The following ART4 variants were observed in gnomAD, a reference collection of about 807,000 sequenced individuals.
ART4 encodes ADP-ribosyltransferase 4 (inactive) (Dombrock blood group).
Under a neutral mutation model 24.2 loss-of-function variants are expected in ART4, and 14 were observed. The ratio of observed to expected loss-of-function variants is 0.58; its 90% confidence interval spans 0.38 to 0.90. The LOEUF (loss-of-function observed/expected upper bound fraction) is 0.90, where lower values mean the gene tolerates loss of function less well. ART4 is among the 40% of genes least tolerant of loss of function. The pLI, the probability that ART4 is intolerant of heterozygous loss-of-function variation, is 0.00. For missense variants in ART4, 356 were observed against 366.6 expected (o/e 0.97, Z 0.24); for synonymous variants, 145 against 139.9 (o/e 1.04, Z -0.26).
intron 2 of ART4, among the ~76,000 whole-genome samples, chr12:14,831,738 C>T (rs1318122150): frequency 6.6e-6 from 1 of 151,962 alleles, no homozygotes; most frequent in African/African-American, 2.4e-5. Context: ...CTGGGTCACT[C>T]GGAATTCTAC....
Position 14,827,129 on chromosome 12 carries a change from T to G in ART4, c.*2242A>C, listed in dbSNP as rs2137294974. On this transcript the variant is annotated 3_prime_UTR_variant, in exon 3 of 3. Transcript: ENST00000228936. ...TTTCTCCTAAGAGATTGTAAACTCA[T>G]GAGAGATCTGGCCTAGTGTTCTTAA... is the stretch of plus-strand genomic sequence containing the variant. The G allele has an allele frequency of 6.6e-6, 1 of 152,256 alleles. No homozygotes were observed. Among genetic ancestry groups the G allele is most frequent in the Middle Eastern group, 3.4e-3 (1 of 294 alleles). The allele number at this position is 152,256 out of a possible 1,614,324, so 9.4% of individuals were successfully genotyped here. A position where few individuals can be genotyped will look rare whatever the true frequency, so the allele number is the denominator to read the frequency against.
intron 2 of ART4, among the ~76,000 whole-genome samples, chr12:14,830,119 A>AGTGTGTGT (rs113436435): frequency 0.069 from 10,044 of 145,618 alleles, 381 homozygotes; most frequent in African/African-American, 0.083. Context: ...TCCTGTTTGG[A>AGTGTGTGT]GTGTGTGTGT....
chr12:14,840,551 G>A lies in ART4; in HGVS notation c.747C>T (p.Pro249=), dbSNP rs758864889. ...TATTTATAACTTTAAACAGCTCATA[G>A]GGAGGGATCAAGACTTCCTTCTTGA... ...FSLKKEVLIP[P]YELFKVINMS... is the part of the protein sequence containing the mutation. The change falls in exon 2 of 3, where the codon CCC becomes CCT. Residue 249 remains proline (P), a synonymous_variant. Transcript: ENST00000228936. 6 of 1,614,032 alleles carry A rather than the reference G, an allele frequency of 3.7e-6. No homozygotes were observed. The African/African-American group carries it at 8.0e-5, about 22-fold the overall frequency.
At position 14,840,706 on chromosome 12, in the gene ART4, T is replaced by C; in HGVS notation, c.592A>G (p.Thr198Ala). The C allele has an allele frequency of 6.2e-7, 1 of 1,614,188 alleles. No individual in the cohort carries two copies. The highest frequency in any genetic ancestry group is 8.5e-7 in the Non-Finnish European group (1 of 1,180,022). Residue 198 changes from threonine (T) to alanine (A), a missense_variant, in exon 2 of 3, where the codon ACA becomes GCA. By Grantham distance (58) the Thr-to-Ala change is moderately conservative. Coordinates refer to ENST00000228936, the MANE Select transcript of ART4 (RefSeq NM_021071.4). ...TGGCCAAATCGAATGGTGGCCCCTGTGTAGGCATTAAAGTGGACATCCTTC... is the reference window on the plus strand; with the variant it reads ...TGGCCAAATCGAATGGTGGCCCCTGCGTAGGCATTAAAGTGGACATCCTTC... ...RTKDVHFNAYTGATIRFGQFL... is the reference protein window; with the variant it reads ...RTKDVHFNAYAGATIRFGQFL...
chr12:14,829,440 A>G lies in ART4; in HGVS notation c.876T>C (p.Pro292=), dbSNP rs537106728. 6.2e-7 allele frequency: 1 copy of G among 1,608,466 alleles called. No individual in the cohort carries two copies. Among genetic ancestry groups the G allele is most frequent in the African/African-American group, 1.3e-5 (1 of 74,768 alleles). ...LLKASSKKCI[P]DPIAIASLSF... is the part of the protein sequence containing the mutation. ...AGAGAGATGCAATAGCTATAGGATC[A>G]GGGATGCATTTCTTGCTGGAAGCTG... is the stretch of plus-strand genomic sequence containing the variant. The change falls in exon 3 of 3, where the codon CCT becomes CCC. Residue 292 remains proline, a synonymous_variant. Transcript: ENST00000228936.
chr12:14,834,451 G>T (rs1352116169), intron 2 of ART4, among the ~76,000 whole-genome samples: 1 of 152,166 alleles, frequency 6.6e-6, no homozygotes, highest in Non-Finnish European at 1.5e-5. Context: ...GATTTTACAT[G>T]CATTCATTCA....
At chr12:14,830,942 G>A (rs1015572899) in intron 2 of ART4, among the ~76,000 whole-genome samples, 2 of 150,560 alleles carry the variant, frequency 1.3e-5, no homozygotes, top group African/African-American at 2.4e-5. Context: ...GTTCTCAAAC[G>A]ATTTTTGTTT....
At chr12:14,830,546 TG>T (rs1950387736) in intron 2 of ART4, among the ~76,000 whole-genome samples, 2 of 118,592 alleles carry the variant, frequency 1.7e-5, no homozygotes, top group Non-Finnish European at 3.5e-5. Flanking sequence ...AGTGTGTGTG[TG>T]TGTGTGTGTG....
rs1171975364 is a variant in ART4, at chr12:14,843,440, T to C, written c.-327A>G. 4.9e-6 allele frequency: 1 copy of C among 204,732 alleles called. No individual in the cohort carries two copies. Among genetic ancestry groups the C allele is most frequent in the Non-Finnish European group, 1.0e-5 (1 of 98,808 alleles). 12.7% of individuals were successfully genotyped at this position (204,732 alleles called of 1,614,324 possible). On this transcript the variant is annotated 5_prime_UTR_variant, in exon 1 of 3. Transcript: ENST00000228936. ...TATTCAGGGGAATGCCGAAGTCCTG[T>C]TAAGTGTCAGACTCAGCAGTTCAGC...
At chr12:14,831,886 C>G (rs1950398163) in intron 2 of ART4, among the ~76,000 whole-genome samples, 1 of 152,100 alleles carries the variant, frequency 6.6e-6, no homozygotes, top group African/African-American at 2.4e-5. Flanking sequence ...AGTGCCACCT[C>G]CATCCTTTCA....
At position 14,840,968 on chromosome 12, in the gene ART4, A is replaced by C; in HGVS notation, c.330T>G (p.Val110=). 1 of 1,614,198 alleles carries C rather than the reference A, an allele frequency of 6.2e-7. No individual in the cohort carries two copies. Among genetic ancestry groups the C allele is most frequent in the South Asian group, 1.1e-5 (1 of 91,082 alleles). ...AHLAWLNQGK[V]LPQNMTTTHA... ...GTGTGGTAGTCATGTTCTGGGGTAG[A>C]ACTTTTCCTTGGTTAAGCCAGGCTA... Residue 110 remains valine (V), a synonymous_variant, in exon 2 of 3, where the codon GTT becomes GTG. Coordinates refer to ENST00000228936, the MANE Select transcript of ART4 (RefSeq NM_021071.4).
Position 14,828,490 on chromosome 12 carries a change from T to TA in ART4, c.*880dup, listed in dbSNP as rs1001384649. 2.6e-5 allele frequency: 4 copies of TA among 152,182 alleles called. No individual in the cohort carries two copies. Among genetic ancestry groups the TA allele is most frequent in the Admixed American group, 6.5e-5 (1 of 15,278 alleles). 9.4% of individuals were successfully genotyped at this position (152,182 alleles called of 1,614,324 possible). On this transcript the variant is annotated 3_prime_UTR_variant, in exon 3 of 3. Transcript: ENST00000228936. ...ATACTAGCTTAATCTTGAATGCTCA[T>TA]AAAAAATCTCTGAAGAAAATTCACA... is the stretch of plus-strand genomic sequence containing the variant.
chr12:14,836,163 G>A (rs1349693889), intron 2 of ART4, among the ~76,000 whole-genome samples: 1 of 152,064 alleles, frequency 6.6e-6, no homozygotes, highest in Non-Finnish European at 1.5e-5. Flanking sequence ...CAATTCCACA[G>A]GTAGAAGATT....
rs1420784680 is a variant in ART4, at chr12:14,829,348, A to G, written c.*23T>C. 4.8e-6 allele frequency: 7 copies of G among 1,459,460 alleles called. No individual in the cohort carries two copies. In the East Asian group the frequency reaches 1.7e-4, roughly 34 times the overall value. 90.4% of individuals were successfully genotyped at this position (1,459,460 alleles called of 1,614,324 possible). On this transcript the variant is annotated 3_prime_UTR_variant, in exon 3 of 3. Transcript: ENST00000228936. ...GATTTTATTTAAATATTTTTTTTAA[A>G]TAAAAGGAGCCACAAGATTTCTTTA...
chr12:14,838,691 G>A lies in ART4; in HGVS notation c.853+1754C>T, dbSNP rs532371377. On this transcript the variant is annotated intron_variant, in intron 2 of 2. Transcript: ENST00000228936. ...GGTCTGTATTTATGGCTAGGACAGAGTGAGCAGATTCTAGACCTCAGTGTG... is the reference window on the plus strand; with the variant it reads ...GGTCTGTATTTATGGCTAGGACAGAATGAGCAGATTCTAGACCTCAGTGTG... Among the ~76,000 whole-genome samples, 15 of 152,300 alleles carry A rather than the reference G, an allele frequency of 9.8e-5. 1 individual carries two copies. The East Asian group carries it at 2.7e-3, about 27-fold the overall frequency.
chr12:14,838,913 T>C (rs1312981829), intron 2 of ART4, among the ~76,000 whole-genome samples: 12 of 151,846 alleles, frequency 7.9e-5, no homozygotes, highest in African/African-American at 2.9e-4. Context: ...TTTTTTTTTT[T>C]TCTGAATCAA....
At position 14,825,817 on chromosome 12, in the gene ART4, A is replaced by T. The variant is rs1950356909; in HGVS notation, c.*3554T>A. On this transcript the variant is annotated 3_prime_UTR_variant, in exon 3 of 3. Coordinates refer to ENST00000228936, the MANE Select transcript of ART4 (RefSeq NM_021071.4). The stretch of plus-strand genomic sequence containing the variant: ...TAAATAGAGAACTTCAGGATAATCT[A>T]ATAGGCGTATTAAAGAGAACACCTT... 6.6e-6 allele frequency: 1 copy of T among 152,194 alleles called. No homozygotes were observed. Among genetic ancestry groups the T allele is most frequent in the Admixed American group, 6.5e-5 (1 of 15,280 alleles). The allele number at this position is 152,194 out of a possible 1,614,324, so 9.4% of individuals were successfully genotyped here.
At chr12:14,841,229 A>G (rs974606146) in intron 1 of ART4, 76 bp from the exon 2 acceptor site, 12 of 1,373,592 alleles carry the variant, frequency 8.7e-6, no homozygotes, top group East Asian at 2.3e-5. Flanking sequence ...GCTGTACTCT[A>G]TAAGGGTAAG....
intron 2 of ART4, among the ~76,000 whole-genome samples, chr12:14,838,309 T>C (rs528169098): frequency 5.3e-4 from 80 of 152,332 alleles, no homozygotes; most frequent in Non-Finnish European, 9.7e-4. Flanking sequence ...TATTATATAC[T>C]CCTTTCCCTC....
Sources: gnomAD v4.1 joint callset for allele counts (sites outside exome capture counted in the v4.1 genomes callset) on GRCh38, gnomAD v4.1.1 for gene constraint, MANE v1.5 for transcripts, NCBI Gene and HGNC (gene_info 2026-07-23, HGNC 2026-07-21) for gene names.